DNAJC6: variants seen among roughly 807,000 people sequenced by gnomAD.
The protein encoded by DNAJC6 is auxilin.
DNAJC6 carries 34 observed loss-of-function variants against 110.0 expected under a neutral mutation model. That is an observed-to-expected ratio of 0.31 (90% CI 0.24 to 0.41). The LOEUF (loss-of-function observed/expected upper bound fraction) is 0.41. Among genes scored for constraint, DNAJC6 ranks in the 10% least tolerant of loss-of-function variants. The probability of loss-of-function intolerance (pLI) is 1.00; values close to 1 mark genes in which losing one functional copy is unlikely to be tolerated. For synonymous variants in DNAJC6, 406 were observed against 437.2 expected (o/e 0.93, Z 0.89); for missense variants, 1,031 against 1,207.8 (o/e 0.85, Z 2.17).
chr1:65,358,445 G>A (rs1645565460), intron 1 of DNAJC6, among the ~76,000 whole-genome samples: 1 of 152,144 alleles, frequency 6.6e-6, no homozygotes, highest in Non-Finnish European at 1.5e-5. Flanking sequence ...ATAAGATGAA[G>A]ATAGCAATGG....
intron 1 of DNAJC6, among the ~76,000 whole-genome samples, chr1:65,276,995 G>T (rs567397655): frequency 6.6e-6 from 1 of 152,242 alleles, no homozygotes; most frequent in African/African-American, 2.4e-5. Context: ...CCAAGATCTG[G>T]TTCCTCAAAT....
intron 4 of DNAJC6, among the ~76,000 whole-genome samples, chr1:65,371,178 T>C (rs1345401046): frequency 6.6e-6 from 1 of 152,200 alleles, no homozygotes; most frequent in African/African-American, 2.4e-5. Flanking sequence ...TCAGACAATG[T>C]AGTATAATGG....
At chr1:65,405,453 GT>G (rs1179416365) in intron 15 of DNAJC6, among the ~76,000 whole-genome samples, 2 of 151,944 alleles carry the variant, frequency 1.3e-5, no homozygotes, top group African/African-American at 4.8e-5. Flanking sequence ...TCATTTGGTG[GT>G]TTTTTTTAAA....
At chr1:65,350,168 G>A (rs554429266) in intron 1 of DNAJC6, among the ~76,000 whole-genome samples, 1 of 152,180 alleles carries the variant, frequency 6.6e-6, no homozygotes, top group South Asian at 2.1e-4. Flanking sequence ...CTTACATGAT[G>A]GTAAACTGCT....
chr1:65,386,914 C>T lies in DNAJC6; in HGVS notation c.1098C>T (p.Ser366=), dbSNP rs1431536799. ...SMYHLRSTIG[S]RLQAKVTNTQ... is the part of the protein sequence containing the mutation. Reference sequence around the variant, plus strand: ...ATCACTTGAGGTCAACCATTGGGAGCCGGCTACAGGCTAAGGTATGGTTTT... The same window carrying T: ...ATCACTTGAGGTCAACCATTGGGAGTCGGCTACAGGCTAAGGTATGGTTTT... The change falls in exon 8 of 19, where the codon AGC becomes AGT. Residue 366 remains serine (S), a synonymous_variant. Coordinates refer to ENST00000371069, the MANE Select transcript of DNAJC6 (RefSeq NM_001256864.2). 1 of 1,613,710 alleles carries T rather than the reference C, an allele frequency of 6.2e-7. No individual in the cohort carries two copies. The highest frequency in any genetic ancestry group is 1.7e-5 in the Admixed American group (1 of 60,016).
At chr1:65,345,703 C>A (rs1283994077) in intron 1 of DNAJC6, 10 of 983,746 alleles carry the variant, frequency 1.0e-5, no homozygotes, top group Non-Finnish European at 4.8e-6. Context: ...GGGTAGGAAC[C>A]AACCTCCTAC....
At chr1:65,354,236 A>C (rs1433956277) in intron 1 of DNAJC6, among the ~76,000 whole-genome samples, 1 of 152,168 alleles carries the variant, frequency 6.6e-6, no homozygotes, top group Non-Finnish European at 1.5e-5. Flanking sequence ...CATGAGAGAC[A>C]AAAAGTACCT....
chr1:65,384,255 T>G lies in DNAJC6; in HGVS notation c.729T>G (p.Ser243=). The G allele has an allele frequency of 6.3e-7, 1 of 1,589,232 alleles. No homozygotes were observed. The highest frequency in any genetic ancestry group is 1.2e-5 in the South Asian group (1 of 86,722). ...GAMFIFCNLY[S]TPGPAIRLLY... is the part of the protein sequence containing the mutation. ...TGTTCATTTTCTGTAATCTCTACTC[T>G]ACTCCTGGCCCAGCCATTCGATTGC... is the stretch of plus-strand genomic sequence containing the variant. Residue 243 remains serine (S), a synonymous_variant, in exon 6 of 19, where the codon TCT becomes TCG. Coordinates refer to ENST00000371069, the MANE Select transcript of DNAJC6 (RefSeq NM_001256864.2).
chr1:65,289,407 A>G (rs1205287034), intron 1 of DNAJC6, among the ~76,000 whole-genome samples: 1 of 152,008 alleles, frequency 6.6e-6, no homozygotes, highest in African/African-American at 2.4e-5. Flanking sequence ...GTGTTGGCCA[A>G]GCTGGTCTTG....
chr1:65,278,101 C>T (rs1434302429), intron 1 of DNAJC6, among the ~76,000 whole-genome samples: 2 of 152,142 alleles, frequency 1.3e-5, no homozygotes, highest in East Asian at 1.9e-4. Flanking sequence ...AACCCTTTAC[C>T]GTGGCTGAGT....
intron 4 of DNAJC6, among the ~76,000 whole-genome samples, chr1:65,375,592 A>AT (rs952100847): frequency 6.6e-6 from 1 of 151,610 alleles, no homozygotes; most frequent in African/African-American, 2.4e-5. Context: ...CGCCCGGCTA[A>AT]TTTTTTTGTA....
Position 65,369,033 on chromosome 1 carries a change from G to A in DNAJC6, c.543+2837G>A, listed in dbSNP as rs546640642. On this transcript the variant is annotated intron_variant, in intron 4 of 18. Coordinates refer to ENST00000371069, the MANE Select transcript of DNAJC6 (RefSeq NM_001256864.2). ...GATCCACCTGCCTCAGCCTCCCAAA[G>A]TGCTGGGATTATAGGTGTGAGCCAC... 9.2e-5 allele frequency among the ~76,000 whole-genome samples: 14 copies of A among 152,120 alleles called. No homozygotes were observed. The East Asian group carries it at 2.7e-3, about 30-fold the overall frequency.
Position 65,367,364 on chromosome 1 carries a change from AAT to A in DNAJC6, c.543+1169_543+1170del, listed in dbSNP as rs376920794. On this transcript the variant is annotated intron_variant, in intron 4 of 18. Transcript: ENST00000371069. ...TTGCCATTCTATAATGAAGATTTTA[AAT>A]GCATCTCTTTAAAATCTTCTGTAAT... Among the ~76,000 whole-genome samples, 272 of 152,294 alleles carry A rather than the reference AAT, an allele frequency of 1.8e-3. 2 individuals are homozygous for A. Among genetic ancestry groups the A allele is most frequent in the African/African-American group, 6.3e-3 (261 of 41,554 alleles).
At chr1:65,380,911 G>GT (rs1312055301) in intron 5 of DNAJC6, among the ~76,000 whole-genome samples, 1,246 of 114,416 alleles carry the variant, frequency 0.011, 27 homozygotes, top group Middle Eastern at 0.02. Flanking sequence ...TTTGTTTTTT[G>GT]TTTTGTTTTG....
rs564449525 is a variant in DNAJC6 at position 65,383,293 on chromosome 1, C to A, written c.667-900C>A. Among the ~76,000 whole-genome samples the A allele has an allele frequency of 2.0e-5, 3 of 152,274 alleles. No homozygotes were observed. In the South Asian group the frequency reaches 6.2e-4, roughly 32 times the overall value. ...AATGTAGTTCTGGAGGCTGGAAAGT[C>A]CAAGATCAAGGTGACTGCAGTTCTT... On this transcript the variant is annotated intron_variant, in intron 5 of 18. Transcript: ENST00000371069.
intron 4 of DNAJC6, among the ~76,000 whole-genome samples, chr1:65,373,053 A>C (rs1001067346): frequency 1.3e-5 from 2 of 152,132 alleles, no homozygotes; most frequent in Admixed American, 1.3e-4. Context: ...TGAGTAAAAA[A>C]CATGCAATAT....
In DNAJC6 at chr1:65,415,452, A is replaced by ACACACAC. The variant is rs1553149291; in HGVS notation, c.*2428_*2434dup. 1 of 142,238 alleles carries ACACACAC rather than the reference A, an allele frequency of 7.0e-6. No individual in the cohort carries two copies. Among genetic ancestry groups the ACACACAC allele is most frequent in the African/African-American group, 2.7e-5 (1 of 36,416 alleles). 8.8% of individuals were successfully genotyped at this position (142,238 alleles called of 1,614,324 possible). A position where few individuals can be genotyped will look rare whatever the true frequency, so the allele number is the denominator to read the frequency against. On this transcript the variant is annotated 3_prime_UTR_variant, in exon 19 of 19. Transcript: ENST00000371069. ...TATACGTAATCACTCCTGCCCCAAC[A>ACACACAC]CACACACACACACACACACACACAC... is the stretch of plus-strand genomic sequence containing the variant.
chr1:65,273,153 A>G (rs769313089), intron 1 of DNAJC6, among the ~76,000 whole-genome samples: 1 of 152,012 alleles, frequency 6.6e-6, no homozygotes, highest in Non-Finnish European at 1.5e-5. Flanking sequence ...TTTATTTTTC[A>G]TCTCATGAGT....
At chr1:65,273,174 G>A (rs1653560134) in intron 1 of DNAJC6, among the ~76,000 whole-genome samples, 1 of 152,002 alleles carries the variant, frequency 6.6e-6, no homozygotes, top group Non-Finnish European at 1.5e-5. Flanking sequence ...TCTTGCTTTT[G>A]TCTTTATTAT....
Sources: allele counts gnomAD v4.1 joint callset (sites outside exome capture counted in the v4.1 genomes callset), GRCh38; gene constraint gnomAD v4.1.1; transcripts MANE v1.5; gene names NCBI Gene and HGNC (gene_info 2026-07-23, HGNC 2026-07-21).